The following DAAM2 variants were observed in gnomAD, a reference collection of about 807,000 sequenced individuals.
DAAM2 encodes disheveled-associated activator of morphogenesis 2.
Under a neutral mutation model 120.7 loss-of-function variants are expected in DAAM2, and 39 were observed. The observed-to-expected ratio is 0.32, with a 90% CI of 0.25 to 0.42. The LOEUF (loss-of-function observed/expected upper bound fraction) is 0.42. Ranked by LOEUF, DAAM2 falls within the 10% of genes least tolerant of loss-of-function variation. The pLI is 1.00. For synonymous variants in DAAM2, 488 were observed against 524.9 expected (o/e 0.93, Z 0.96); for missense variants, 1,283 against 1,401.7 (o/e 0.92, Z 1.35).
chr6:39,855,244 A>G (rs1763954044), intron 1 of DAAM2, among the ~76,000 whole-genome samples: 1 of 152,192 alleles, frequency 6.6e-6, no homozygotes, highest in Admixed American at 6.5e-5. Flanking sequence ...CTCAGGAGGC[A>G]TGTGTACTGG....
intron 1 of DAAM2, among the ~76,000 whole-genome samples, chr6:39,806,618 C>A (rs550867543): frequency 4.6e-5 from 7 of 152,100 alleles, no homozygotes; most frequent in African/African-American, 1.7e-4. Flanking sequence ...AGGGAGTCTT[C>A]CCTCTGCCTC....
At position 39,873,351 on chromosome 6, in the gene DAAM2, G is replaced by A. The variant is rs763164119; in HGVS notation, c.1158G>A (p.Met386Ile). ...CTGTGCTGCACCACTGCCTGCAGATGCCCTGTAAGTACCCTGCACTTGCTG... is the reference window on the plus strand; with the variant it reads ...CTGTGCTGCACCACTGCCTGCAGATACCCTGTAAGTACCCTGCACTTGCTG... Reference protein sequence around the residue: ...LLSVLHHCLQMPYKRNGGYFQ... With the variant: ...LLSVLHHCLQIPYKRNGGYFQ... Residue 386 changes from methionine to isoleucine, a missense_variant, in exon 10 of 25, where the codon ATG becomes ATA. Transcript: ENST00000274867. The A allele has an allele frequency of 6.2e-7, 1 of 1,603,788 alleles. No individual in the cohort carries two copies. The highest frequency in any genetic ancestry group is 1.7e-5 in the Admixed American group (1 of 59,826).
intron 1 of DAAM2, among the ~76,000 whole-genome samples, chr6:39,837,793 T>C (rs1355829750): frequency 6.6e-6 from 1 of 152,120 alleles, no homozygotes; most frequent in Non-Finnish European, 1.5e-5. Flanking sequence ...TTTTTATGTA[T>C]GGCCCCTACA....
intron 17 of DAAM2, among the ~76,000 whole-genome samples, chr6:39,889,356 T>C (rs1377374179): frequency 2.0e-5 from 3 of 152,068 alleles, no homozygotes; most frequent in African/African-American, 7.2e-5. Flanking sequence ...AGAAATACAG[T>C]CAACCACAAT....
intron 18 of DAAM2, 44 bp from the exon 19 acceptor site, chr6:39,891,590 G>A (rs1185776554): frequency 6.3e-7 from 1 of 1,578,004 alleles, no homozygotes; most frequent in East Asian, 2.3e-5. Context: ...GGCTGGCCAG[G>A]ATAGGGGTGG....
intron 1 of DAAM2, chr6:39,855,914 T>C (rs1007924533): frequency 2.2e-6 from 1 of 454,852 alleles, no homozygotes; most frequent in Non-Finnish European, 2.9e-6. Flanking sequence ...CACACATTTA[T>C]GGAAAGTCAG....
chr6:39,812,031 AT>A (rs1460890595), intron 1 of DAAM2, among the ~76,000 whole-genome samples: 3 of 152,164 alleles, frequency 2.0e-5, no homozygotes, highest in African/African-American at 4.8e-5. Context: ...GAGAATTTGT[AT>A]CTGGGGCATA....
At chr6:39,865,224 C>A in intron 5 of DAAM2, 150 bp downstream of exon 5, 1 of 625,522 alleles carries the variant, frequency 1.6e-6, no homozygotes, top group Non-Finnish European at 2.9e-6. Context: ...CCCTACTCCT[C>A]TCCTGGGAGG....
rs1766174722 is a variant in DAAM2, at chr6:39,897,427, G to C, written c.2618+145G>C. 6.6e-6 allele frequency: 4 copies of C among 606,912 alleles called. No individual in the cohort carries two copies. In the South Asian group the frequency reaches 7.8e-5, roughly 12 times the overall value. The allele number at this position is 606,912 out of a possible 1,614,324, so 37.6% of individuals were successfully genotyped here. A position where few individuals can be genotyped will look rare whatever the true frequency, so the allele number is the denominator to read the frequency against. On this transcript the variant is annotated intron_variant, in intron 21 of 24. Coordinates refer to ENST00000274867, the MANE Select transcript of DAAM2 (RefSeq NM_001201427.2). ...TTCTGAGTTCAAAAGAATTTAAACA[G>C]ACACACAGCAAAGGGGGTTTAGCAT... is the stretch of plus-strand genomic sequence containing the variant.
intron 1 of DAAM2, chr6:39,822,112 G>A (rs1762510582): frequency 6.6e-6 from 1 of 152,392 alleles, no homozygotes; most frequent in African/African-American, 2.4e-5. Context: ...CCCAGAGCTG[G>A]AGTGAGAAGG....
chr6:39,798,907 A>G (rs909248840), intron 1 of DAAM2, among the ~76,000 whole-genome samples: 2 of 152,188 alleles, frequency 1.3e-5, no homozygotes, highest in African/African-American at 4.8e-5. Flanking sequence ...AGGAAGGACC[A>G]AGTCTCCTTC....
chr6:39,858,196 C>T (rs920278549), intron 2 of DAAM2, among the ~76,000 whole-genome samples: 1 of 152,148 alleles, frequency 6.6e-6, no homozygotes, highest in Non-Finnish European at 1.5e-5. Context: ...TTGGATTAAA[C>T]CCTAAGGGCA....
At position 39,856,429 on chromosome 6, in the gene DAAM2, C is replaced by A; in HGVS notation, c.127C>A (p.Pro43Thr). ...GTTCATGGAGTTCTCCAGCCCCATC[C>A]CGAACGCAGAGGAGCTCAACATCCG... is the stretch of plus-strand genomic sequence containing the variant. ...LQFMEFSSPI[P>T]NAEELNIRFA... is the part of the protein sequence containing the mutation. The change falls in exon 2 of 25, where the codon CCG becomes ACG. Residue 43 changes from proline to threonine, a missense_variant. This residue lies in a region of DAAM2 where 197 missense variants were observed against 189.3 expected (regional missense o/e 1.04). Coordinates refer to ENST00000274867, the MANE Select transcript of DAAM2 (RefSeq NM_001201427.2). 2 of 1,513,302 alleles carry A rather than the reference C, an allele frequency of 1.3e-6. No individual in the cohort carries two copies. 93.7% of individuals were successfully genotyped at this position (1,513,302 alleles called of 1,614,324 possible). A position where few individuals can be genotyped will look rare whatever the true frequency, so the allele number is the denominator to read the frequency against.
chr6:39,861,243 T>C (rs1391895802), intron 3 of DAAM2: 1 of 598,944 alleles, frequency 1.7e-6, no homozygotes, highest in African/African-American at 1.8e-5. Context: ...AAGCAGGACC[T>C]GCTGCATCCC....
intron 1 of DAAM2, among the ~76,000 whole-genome samples, chr6:39,794,361 A>G (rs1761635776): frequency 6.6e-6 from 1 of 152,158 alleles, no homozygotes; most frequent in Admixed American, 6.5e-5. Context: ...CAACTGTGCT[A>G]TTATTGTCTT....
chr6:39,853,043 A>T (rs966988306), intron 1 of DAAM2, among the ~76,000 whole-genome samples: 1 of 152,198 alleles, frequency 6.6e-6, no homozygotes, highest in Non-Finnish European at 1.5e-5. Flanking sequence ...GCAAGGTAAG[A>T]AAAGCCCATT....
In DAAM2 at chr6:39,875,448, T is replaced by C. The variant is rs929682744; in HGVS notation, c.1281T>C (p.Asn427=). ...ACCTGGCTCCCTTGGAGAACTTCAA[T>C]GTCAAGAACATCGTCAACATGTGAG... The part of the protein sequence containing the change: ...DPDLAPLENF[N]VKNIVNMLIN... Residue 427 remains asparagine, a synonymous_variant, in exon 11 of 25, where the codon AAT becomes AAC. Coordinates refer to ENST00000274867, the MANE Select transcript of DAAM2 (RefSeq NM_001201427.2). 1.2e-6 allele frequency: 2 copies of C among 1,613,822 alleles called. No homozygotes were observed. Among genetic ancestry groups the C allele is most frequent in the Non-Finnish European group, 8.5e-7 (1 of 1,179,810 alleles).
intron 1 of DAAM2, among the ~76,000 whole-genome samples, chr6:39,852,513 G>A (rs867028623): frequency 5.9e-5 from 9 of 152,226 alleles, no homozygotes; most frequent in South Asian, 4.1e-4. Context: ...ATCATTGCCT[G>A]GAGAAGCGCT....
At chr6:39,846,249 T>C (rs950826086) in intron 1 of DAAM2, among the ~76,000 whole-genome samples, 16 of 152,078 alleles carry the variant, frequency 1.1e-4, no homozygotes, top group African/African-American at 3.9e-4. Context: ...CAGTAGGTGC[T>C]AAAAATCAAT....
Sources: gnomAD v4.1 joint callset for allele counts (sites outside exome capture counted in the v4.1 genomes callset) on GRCh38, gnomAD v4.1.1 for gene constraint, gnomAD v4.1.1 regional missense constraint, MANE v1.5 for transcripts, NCBI Gene and HGNC (gene_info 2026-07-23, HGNC 2026-07-21) for gene names.